Variants in LONRF1 observed in about 807,000 individuals in gnomAD.
The protein encoded by LONRF1 is LON peptidase N-terminal domain and ring finger 1.
Under a neutral mutation model 85.8 loss-of-function variants are expected in LONRF1, and 37 were observed. The observed-to-expected ratio is 0.43, with a 90% CI of 0.33 to 0.57. The LOEUF (loss-of-function observed/expected upper bound fraction) is 0.57, where lower values mean the gene tolerates loss of function less well. Among genes scored for constraint, LONRF1 ranks in the 20% least tolerant of loss-of-function variants. The probability of loss-of-function intolerance (pLI) is 0.04; values close to 1 mark genes in which losing one functional copy is unlikely to be tolerated. For synonymous variants in LONRF1, 517 were observed against 390.1 expected, an observed-to-expected ratio of 1.33 and a Z score of -3.83; for missense variants, 1,036 against 978.0, an observed-to-expected ratio of 1.06 and a Z score of -0.79.
chr8:12,744,658 G>A (rs1198470047), intron 1 of LONRF1, among the ~76,000 whole-genome samples: 2 of 152,112 alleles, frequency 1.3e-5, no homozygotes, highest in African/African-American at 4.8e-5. Context: ...AGTACAACTG[G>A]AGGTGAGAAA....
At chr8:12,724,093 C>G (rs1806050974) in intron 11 of LONRF1, among the ~76,000 whole-genome samples, 1 of 152,132 alleles carries the variant, frequency 6.6e-6, no homozygotes. Flanking sequence ...GATTCGGTTT[C>G]TATATTTGTG....
rs751536636 is a variant in LONRF1, at chr8:12,728,928, G to T, written c.1983C>A (p.Ala661=). The T allele has an allele frequency of 1.9e-6, 3 of 1,613,818 alleles. No homozygotes were observed. The highest frequency in any genetic ancestry group is 1.3e-5 in the African/African-American group (1 of 75,002). ...KRGMKDGYCT[A]DIEYLEDVKV... ...TAACATCTTCCAGATATTCAATGTC[G>T]GCAGTGCAATATCCATCTTTCATTC... The change falls in exon 10 of 12, where the codon GCC becomes GCA. Residue 661 remains alanine, a synonymous_variant. Coordinates refer to ENST00000398246, the MANE Select transcript of LONRF1 (RefSeq NM_152271.5).
chr8:12,726,017 T>C lies in LONRF1; in HGVS notation c.2011-138A>G, dbSNP rs943340160. ...AGTGCTGACGTCCCAGAGAGTATTATTCCTATGCTTTAATACACATTTCTG... is the reference window on the plus strand; with the variant it reads ...AGTGCTGACGTCCCAGAGAGTATTACTCCTATGCTTTAATACACATTTCTG... On this transcript the variant is annotated intron_variant, in intron 10 of 11. Transcript: ENST00000398246. 16 of 716,004 alleles carry C rather than the reference T, an allele frequency of 2.2e-5. No homozygotes were observed. In the African/African-American group the frequency reaches 2.7e-4, roughly 12 times the overall value. The allele number at this position is 716,004 out of a possible 1,614,324, so 44.4% of individuals were successfully genotyped here. A position where few individuals can be genotyped will look rare whatever the true frequency, so the allele number is the denominator to read the frequency against.
rs538573456 is a variant in LONRF1, at chr8:12,737,368, T to C, written c.1114-228A>G. 38 of 680,320 alleles carry C rather than the reference T, an allele frequency of 5.6e-5. 1 individual carries two copies. The highest frequency in any genetic ancestry group is 2.1e-4 in the South Asian group (14 of 66,092). 42.1% of individuals were successfully genotyped at this position (680,320 alleles called of 1,614,324 possible). A position where few individuals can be genotyped will look rare whatever the true frequency, so the allele number is the denominator to read the frequency against. On this transcript the variant is annotated intron_variant, in intron 4 of 11. Coordinates refer to ENST00000398246, the MANE Select transcript of LONRF1 (RefSeq NM_152271.5). ...ATCCGTGGGTTCATCCAACTGGGGA[T>C]AGAAAATATTCTAAAAAAAAGCCTG...
chr8:12,725,749 G>A lies in LONRF1; in HGVS notation c.2141C>T (p.Pro714Leu), dbSNP rs1297037939. ...SQILQHFGSM[P>L]EREENLQAAP... ...TACCTGAAGGTTTTCCTCCCTCTCG[G>A]GCATTGATCCGAAATGCTGAAGAAT... is the stretch of plus-strand genomic sequence containing the variant. The change falls in exon 11 of 12, where the codon CCC becomes CTC. Residue 714 changes from proline to leucine, a missense_variant. Coordinates refer to ENST00000398246, the MANE Select transcript of LONRF1 (RefSeq NM_152271.5). 1 of 1,612,868 alleles carries A rather than the reference G, an allele frequency of 6.2e-7. No homozygotes were observed. Among genetic ancestry groups the A allele is most frequent in the Non-Finnish European group, 8.5e-7 (1 of 1,179,140 alleles).
At position 12,740,868 on chromosome 8, in the gene LONRF1, G is replaced by A. The variant is rs773892100; in HGVS notation, c.963+6C>T. ...CATGAACTGTAATTGTTGGTAAACT[G>A]ATTACCTTTTGTACTTGCAGCTTTG... On this transcript the variant is annotated splice_donor_region_variant and intron_variant, in intron 3 of 11. Transcript: ENST00000398246. 3 of 1,612,336 alleles carry A rather than the reference G, an allele frequency of 1.9e-6. No individual in the cohort carries two copies. The highest frequency in any genetic ancestry group is 8.5e-7 in the Non-Finnish European group (1 of 1,179,124).
intron 1 of LONRF1, among the ~76,000 whole-genome samples, chr8:12,751,393 A>C (rs1213016693): frequency 2.2e-5 from 3 of 134,112 alleles, no homozygotes; most frequent in African/African-American, 8.7e-5. Context: ...TGCAACCTCC[A>C]CTTTCCGGGT....
intron 3 of LONRF1, chr8:12,738,880 T>C (rs1174277451): frequency 6.6e-6 from 1 of 152,158 alleles, no homozygotes. Context: ...ATAGCACATA[T>C]TAAAGTCTAA....
chr8:12,754,752 G>A lies in LONRF1; in HGVS notation c.669C>T (p.His223=), dbSNP rs565260402. The A allele has an allele frequency of 2.4e-5, 35 of 1,457,456 alleles. No individual in the cohort carries two copies. In the South Asian group the frequency reaches 3.9e-4, roughly 16 times the overall value. The allele number at this position is 1,457,456 out of a possible 1,614,324, so 90.3% of individuals were successfully genotyped here. A position where few individuals can be genotyped will look rare whatever the true frequency, so the allele number is the denominator to read the frequency against. Residue 223 remains histidine, a synonymous_variant, in exon 1 of 12, where the codon CAC becomes CAT. Coordinates refer to ENST00000398246, the MANE Select transcript of LONRF1 (RefSeq NM_152271.5). The part of the protein sequence containing the change: ...RAAGRLGELL[H]QGRYREALAA... ...CCAGGGCCTCCCGGTAGCGCCCCTG[G>A]TGCAGTAGCTCCCCGAGCCTGCCGG...
chr8:12,723,493 T>A (rs748253900), intron 11 of LONRF1, among the ~76,000 whole-genome samples: 2 of 152,216 alleles, frequency 1.3e-5, no homozygotes, highest in Middle Eastern at 3.2e-3. Context: ...AATCTAGACC[T>A]GACTCCCCAC....
At chr8:12,728,684 T>A (rs1330951057) in intron 10 of LONRF1, among the ~76,000 whole-genome samples, 1 of 152,208 alleles carries the variant, frequency 6.6e-6, no homozygotes, top group Admixed American at 6.5e-5. Flanking sequence ...CCTGCAGAAA[T>A]AAAGAGAATC....
At chr8:12,752,162 ATCT>A (rs1490742367) in intron 1 of LONRF1, among the ~76,000 whole-genome samples, 4 of 152,228 alleles carry the variant, frequency 2.6e-5, no homozygotes, top group South Asian at 2.1e-4. Flanking sequence ...TATAGTGAAG[ATCT>A]TTTTTCATTA....
chr8:12,748,019 T>C (rs1799234007), intron 1 of LONRF1, among the ~76,000 whole-genome samples: 1 of 152,236 alleles, frequency 6.6e-6, no homozygotes, highest in South Asian at 2.1e-4. Context: ...CTAGTCCACA[T>C]GATTTTTAAT....
intron 2 of LONRF1, 77 bp from the exon 3 acceptor site, chr8:12,741,073 C>T (rs1798915628): frequency 1.3e-6 from 2 of 1,544,652 alleles, no homozygotes; most frequent in East Asian, 2.3e-5. Context: ...TAAAGAAAAA[C>T]AATAGTCTGC....
chr8:12,731,705 T>C (rs763052983), intron 8 of LONRF1, 31 bp downstream of exon 8: 3 of 1,592,378 alleles, frequency 1.9e-6, no homozygotes, highest in South Asian at 1.1e-5. Context: ...AGGGTAGTAG[T>C]TCATAATTTT....
chr8:12,731,041 C>G (rs780115962), intron 8 of LONRF1, among the ~76,000 whole-genome samples: 10 of 152,060 alleles, frequency 6.6e-5, no homozygotes, highest in Non-Finnish European at 1.0e-4. Context: ...ACCCAAGTGA[C>G]TGCACAAGAG....
intron 3 of LONRF1, among the ~76,000 whole-genome samples, chr8:12,739,884 T>C (rs1462108720): frequency 1.3e-5 from 2 of 152,170 alleles, no homozygotes; most frequent in Non-Finnish European, 2.9e-5. Flanking sequence ...TGGGCTAGAA[T>C]GTATATACAA....
At chr8:12,748,781 A>T in intron 1 of LONRF1, among the ~76,000 whole-genome samples, 2 of 146,688 alleles carry the variant, frequency 1.4e-5, no homozygotes, top group African/African-American at 5.0e-5. Context: ...AGCTATCGAA[A>T]TTTTCAAAGG....
chr8:12,726,578 A>G (rs1798315567), intron 10 of LONRF1, among the ~76,000 whole-genome samples: 1 of 152,202 alleles, frequency 6.6e-6, no homozygotes, highest in Non-Finnish European at 1.5e-5. Context: ...CCTGAGATAG[A>G]AGAGTAGTCT....
Sources: allele counts gnomAD v4.1 joint callset (sites outside exome capture counted in the v4.1 genomes callset), GRCh38; gene constraint gnomAD v4.1.1; transcripts MANE v1.5; gene names NCBI Gene and HGNC (gene_info 2026-07-23, HGNC 2026-07-21).